Variants in KDM4A observed in about 807,000 individuals in gnomAD.
KDM4A encodes the protein lysine-specific demethylase 4A.
KDM4A carries 23 observed loss-of-function variants against 127.1 expected under a neutral mutation model. The observed-to-expected ratio is 0.18, with a 90% CI of 0.13 to 0.26. The LOEUF (loss-of-function observed/expected upper bound fraction) is 0.26, where lower values mean the gene tolerates loss of function less well. Among genes scored for constraint, KDM4A ranks in the 10% least tolerant of loss-of-function variants. The pLI is 1.00. For synonymous variants in KDM4A, 443 were observed against 466.5 expected, an observed-to-expected ratio of 0.95 and a Z score of 0.65; for missense variants, 890 against 1,329.1, an observed-to-expected ratio of 0.67 and a Z score of 5.14.
chr1:43,696,381 A>T (rs1661238816), intron 18 of KDM4A, among the ~76,000 whole-genome samples: 1 of 152,256 alleles, frequency 6.6e-6, no homozygotes, highest in Non-Finnish European at 1.5e-5. Flanking sequence ...TGGTAAATAC[A>T]TAATCAAAGG....
intron 1 of KDM4A, among the ~76,000 whole-genome samples, chr1:43,652,570 A>G (rs1230260717): frequency 6.6e-6 from 1 of 151,792 alleles, no homozygotes; most frequent in Non-Finnish European, 1.5e-5. Flanking sequence ...GCTGGTCTCA[A>G]ACTCCTTAAC....
intron 2 of KDM4A, among the ~76,000 whole-genome samples, chr1:43,653,993 G>A (rs150373783): frequency 1.6e-4 from 24 of 152,320 alleles, no homozygotes; most frequent in African/African-American, 5.8e-4. Context: ...CCTACCATAT[G>A]TGCTTGTTAC....
chr1:43,691,197 C>A, intron 14 of KDM4A, 148 bp downstream of exon 14: 1 of 810,102 alleles, frequency 1.2e-6, no homozygotes, highest in Non-Finnish European at 2.0e-6. Context: ...TTCACTGTCT[C>A]CAGGGGTCCA....
In KDM4A at chr1:43,653,234, C is replaced by T; in HGVS notation, c.59C>T (p.Thr20Ile). ...GCTAGGATAATGACCTTTTATCCAACTATGGAAGAGTTCCGAAACTTCAGT... is the reference window on the plus strand; with the variant it reads ...GCTAGGATAATGACCTTTTATCCAATTATGGAAGAGTTCCGAAACTTCAGT... Reference protein sequence around the residue: ...PSARIMTFYPTMEEFRNFSRY... With the variant: ...PSARIMTFYPIMEEFRNFSRY... The change falls in exon 2 of 22, where the codon ACT (threonine) becomes ATT (isoleucine). Residue 20 changes from threonine to isoleucine, a missense_variant. Physicochemically the swap from Thr to Ile is moderately conservative, Grantham distance 89. Around this residue, in one of 7 missense-constraint regions of KDM4A, gnomAD observed 35 missense variants for 27.7 expected, o/e 1.26. Coordinates refer to ENST00000372396, the MANE Select transcript of KDM4A (RefSeq NM_014663.3). 1.9e-6 allele frequency: 3 copies of T among 1,613,930 alleles called. No homozygotes were observed. The highest frequency in any genetic ancestry group is 2.5e-6 in the Non-Finnish European group (3 of 1,179,868).
chr1:43,662,875 A>G lies in KDM4A; in HGVS notation c.430-19A>G. On this transcript the variant is annotated intron_variant, in intron 4 of 21. Coordinates refer to ENST00000372396, the MANE Select transcript of KDM4A (RefSeq NM_014663.3). ...TCTATGCAAATGTAACTTGCCCTGG[A>G]CTGTCATTGCCTTTGCAGCATGTTG... The G allele has an allele frequency of 6.3e-7, 1 of 1,588,330 alleles. No individual in the cohort carries two copies. Among genetic ancestry groups the G allele is most frequent in the South Asian group, 1.1e-5 (1 of 88,236 alleles).
chr1:43,687,421 G>C (rs1353682947), intron 12 of KDM4A, among the ~76,000 whole-genome samples: 1 of 152,192 alleles, frequency 6.6e-6, no homozygotes, highest in East Asian at 1.9e-4. Context: ...GAGGGTCATA[G>C]CTGGGGACTG....
chr1:43,665,849 G>A, intron 6 of KDM4A, 104 bp downstream of exon 6: 1 of 1,196,306 alleles, frequency 8.4e-7, no homozygotes, highest in South Asian at 1.2e-5. Context: ...TGCAGGTCCT[G>A]TTGCAGGCCT....
intron 11 of KDM4A, among the ~76,000 whole-genome samples, chr1:43,681,680 G>C (rs989063167): frequency 3.3e-5 from 5 of 152,090 alleles, no homozygotes; most frequent in Non-Finnish European, 7.3e-5. Context: ...ACAGGTTTAG[G>C]CCTATTGTCC....
At chr1:43,665,548 TA>T in intron 5 of KDM4A, 147 bp from the exon 6 acceptor site, 1 of 660,786 alleles carries the variant, frequency 1.5e-6, no homozygotes. Flanking sequence ...CCAAACAGTC[TA>T]ATATTTCATT....
chr1:43,690,128 G>A (rs1268126399), intron 13 of KDM4A, among the ~76,000 whole-genome samples: 3 of 152,232 alleles, frequency 2.0e-5, no homozygotes, highest in African/African-American at 7.2e-5. Context: ...GAGGGACCCT[G>A]AGCCAGGAAT....
intron 1 of KDM4A, chr1:43,650,746 G>A (rs1433263854): frequency 3.9e-5 from 6 of 152,426 alleles, no homozygotes; most frequent in Non-Finnish European, 8.8e-5. Flanking sequence ...CTGCAGGGCA[G>A]GGGGTTGGGA....
chr1:43,682,459 C>G (rs1036545084), intron 11 of KDM4A, among the ~76,000 whole-genome samples: 5 of 152,172 alleles, frequency 3.3e-5, no homozygotes, highest in Non-Finnish European at 7.4e-5. Flanking sequence ...TCATGGACAT[C>G]AGTAGGAAAA....
chr1:43,655,042 G>T (rs1219532849), intron 2 of KDM4A, among the ~76,000 whole-genome samples: 1 of 151,956 alleles, frequency 6.6e-6, no homozygotes, highest in African/African-American at 2.4e-5. Context: ...GTAGAGATGG[G>T]GTTTCACCAT....
At chr1:43,686,368 A>C (rs1476564530) in intron 12 of KDM4A, among the ~76,000 whole-genome samples, 1 of 135,012 alleles carries the variant, frequency 7.4e-6, no homozygotes, top group Admixed American at 7.8e-5. Flanking sequence ...AGTCTTACTC[A>C]CTCTGTTGCC....
intron 3 of KDM4A, among the ~76,000 whole-genome samples, chr1:43,657,694 C>A (rs892917455): frequency 6.6e-6 from 1 of 152,054 alleles, no homozygotes; most frequent in Non-Finnish European, 1.5e-5. Context: ...TGGAATTCAG[C>A]CAGGGGCTTC....
intron 1 of KDM4A, among the ~76,000 whole-genome samples, chr1:43,652,679 CTTTTTTT>C (rs771216218): frequency 8.4e-6 from 1 of 118,770 alleles, no homozygotes; most frequent in Non-Finnish European, 1.8e-5. Flanking sequence ...TTCTTTCTTT[CTTTTTTT>C]TTTTTTTTTT....
chr1:43,673,835 A>G (rs1230027365), intron 11 of KDM4A, among the ~76,000 whole-genome samples: 1 of 152,218 alleles, frequency 6.6e-6, no homozygotes, highest in East Asian at 1.9e-4. Flanking sequence ...TGTTCACTAC[A>G]GTTCATGCTG....
intron 12 of KDM4A, among the ~76,000 whole-genome samples, chr1:43,684,280 G>A (rs372070889): frequency 1.3e-4 from 20 of 152,254 alleles, no homozygotes; most frequent in African/African-American, 4.8e-4. Context: ...CAAGGTGGGC[G>A]GATCATGAGG....
Position 43,669,130 on chromosome 1 carries a change from G to T in KDM4A, c.1194G>T (p.Arg398Ser). 1 of 1,614,192 alleles carries T rather than the reference G, an allele frequency of 6.2e-7. No homozygotes were observed. Among genetic ancestry groups the T allele is most frequent in the Non-Finnish European group, 8.5e-7 (1 of 1,180,030 alleles). The change falls in exon 10 of 22, where the codon AGG becomes AGT. Residue 398 changes from arginine (R) to serine (S), a missense_variant. By Grantham distance (110) the Arg-to-Ser change is moderately radical. This residue lies in a region of KDM4A where 389 missense variants were observed against 485.9 expected (regional missense o/e 0.80). Coordinates refer to ENST00000372396, the MANE Select transcript of KDM4A (RefSeq NM_014663.3). The stretch of plus-strand genomic sequence containing the variant: ...CCAAGCACCGAATAGGGACAAAGAG[G>T]CACCGAGTTTGTCTTGAAATACCAC... Reference protein sequence around the residue: ...SLAKHRIGTKRHRVCLEIPQE... With the variant: ...SLAKHRIGTKSHRVCLEIPQE...
Sources: allele counts gnomAD v4.1 joint callset (sites outside exome capture counted in the v4.1 genomes callset), GRCh38; gene constraint gnomAD v4.1.1; regional missense constraint gnomAD v4.1.1; transcripts MANE v1.5; gene names NCBI Gene and HGNC (gene_info 2026-07-23, HGNC 2026-07-21).